The following CDK11B variants were observed in gnomAD, a reference collection of about 807,000 sequenced individuals.
CDK11B encodes the protein cyclin-dependent kinase 11B.
CDK11B carries 37 observed loss-of-function variants against 84.0 expected under a neutral mutation model. That is an observed-to-expected ratio of 0.44 (90% CI 0.34 to 0.58). CDK11B has a LOEUF of 0.58. Ranked by LOEUF, CDK11B falls within the 20% of genes least tolerant of loss-of-function variation. The pLI, the probability that CDK11B is intolerant of heterozygous loss-of-function variation, is 0.02. For missense variants in CDK11B, 427 were observed against 834.0 expected (o/e 0.51, Z 6.01); for synonymous variants, 269 against 309.8 (o/e 0.87, Z 1.38).
In CDK11B at chr1:1,640,335, G is replaced by T. The variant is rs751014233; in HGVS notation, c.1193C>A (p.Pro398His). Residue 398 changes from proline (P) to histidine (H), a missense_variant, in exon 11 of 20, where the codon CCT becomes CAT. This residue lies in a region of CDK11B where 43 missense variants were observed against 61.8 expected (regional missense o/e 0.70). Coordinates refer to ENST00000341832, the MANE Select transcript of CDK11B (RefSeq NM_033486.3). ...LTEGDYVPDS[P>H]ALSPIELKQE... ...CTTGAGCTCGATGGGCGACAGGGCAGGGGAGTCGGGCACATAGTCGCCCTC... is the reference window on the plus strand; with the variant it reads ...CTTGAGCTCGATGGGCGACAGGGCATGGGAGTCGGGCACATAGTCGCCCTC... 1.2e-6 allele frequency: 2 copies of T among 1,613,702 alleles called. No individual in the cohort carries two copies. Among genetic ancestry groups the T allele is most frequent in the South Asian group, 1.1e-5 (1 of 91,070 alleles).
intron 11 of CDK11B, among the ~76,000 whole-genome samples, chr1:1,639,672 G>A (rs1639959388): frequency 6.6e-6 from 1 of 151,882 alleles, no homozygotes; most frequent in Non-Finnish European, 1.5e-5. Context: ...GTCGACAGAG[G>A]CCTGCTGCAT....
intron 2 of CDK11B, among the ~76,000 whole-genome samples, chr1:1,656,174 G>C (rs181228325): frequency 5.9e-4 from 90 of 152,086 alleles, no homozygotes; most frequent in African/African-American, 2.1e-3. Flanking sequence ...CAGATTTTTT[G>C]GTTTCCCAAC....
chr1:1,656,914 T>C (rs767110874), intron 2 of CDK11B, among the ~76,000 whole-genome samples: 5 of 151,844 alleles, frequency 3.3e-5, no homozygotes, highest in Non-Finnish European at 5.9e-5. Flanking sequence ...CAAATGATGC[T>C]GCTAAAGATC....
At chr1:1,636,539 T>C in intron 17 of CDK11B, 58 bp from the exon 18 acceptor site, 1 of 1,582,682 alleles carries the variant, frequency 6.3e-7, no homozygotes, top group South Asian at 1.1e-5. Context: ...TTGGCACCTG[T>C]GTCCCGTCAG....
At chr1:1,637,571 C>G in intron 13 of CDK11B, 58 bp from the exon 14 acceptor site, 1 of 1,607,324 alleles carries the variant, frequency 6.2e-7, no homozygotes, top group Non-Finnish European at 8.5e-7. Flanking sequence ...CACCCCTGCA[C>G]CCGGGTGCAG....
chr1:1,655,276 C>CA, intron 3 of CDK11B, 93 bp downstream of exon 3: 1 of 1,451,904 alleles, frequency 6.9e-7, no homozygotes, highest in Admixed American at 2.3e-5. Context: ...TTAATAGTTA[C>CA]AACAGCACAC....
At chr1:1,650,490 C>T (rs1283660715) in intron 4 of CDK11B, among the ~76,000 whole-genome samples, 2 of 149,700 alleles carry the variant, frequency 1.3e-5, no homozygotes, top group African/African-American at 4.9e-5. Flanking sequence ...CTCAGCCTCC[C>T]GAGTAGCTGG....
At chr1:1,647,642 C>G (rs72468214) in intron 5 of CDK11B, among the ~76,000 whole-genome samples, 3 of 135,854 alleles carry the variant, frequency 2.2e-5, no homozygotes, top group Non-Finnish European at 4.8e-5. Flanking sequence ...TCTGCCAGGT[C>G]CTTTCACGCA....
intron 3 of CDK11B, among the ~76,000 whole-genome samples, chr1:1,652,788 C>T (rs1642179656): frequency 6.6e-6 from 1 of 151,242 alleles, no homozygotes; most frequent in African/African-American, 2.4e-5. Context: ...TATAGTGGCA[C>T]GATCTCGGCT....
At chr1:1,650,600 C>T (rs1250580992) in intron 4 of CDK11B, among the ~76,000 whole-genome samples, 3 of 149,748 alleles carry the variant, frequency 2.0e-5, no homozygotes, top group Non-Finnish European at 3.0e-5. Flanking sequence ...GTTCTGACCT[C>T]GTGATCTGCC....
At chr1:1,654,295 A>T (rs770332560) in intron 3 of CDK11B, 2 of 393,188 alleles carry the variant, frequency 5.1e-6, no homozygotes, top group Non-Finnish European at 5.0e-6. Flanking sequence ...TTTTCCACAC[A>T]GGGTCTTGCT....
intron 9 of CDK11B, 90 bp from the exon 10 acceptor site, chr1:1,641,203 A>G (rs1640241056): frequency 2.6e-6 from 4 of 1,560,392 alleles, no homozygotes; most frequent in South Asian, 2.3e-5. Context: ...CTAAGCAACA[A>G]GTGTTCCCAA....
chr1:1,647,186 T>C (rs1641267984), intron 5 of CDK11B, among the ~76,000 whole-genome samples: 1 of 152,250 alleles, frequency 6.6e-6, no homozygotes, highest in South Asian at 2.1e-4. Context: ...ATGGATAATT[T>C]CTACTGCTCC....
At chr1:1,656,677 C>A (rs1472233813) in intron 2 of CDK11B, among the ~76,000 whole-genome samples, 1 of 152,022 alleles carries the variant, frequency 6.6e-6, no homozygotes, top group Non-Finnish European at 1.5e-5. Context: ...GTAGTCCCAG[C>A]TACTTGGGAG....
chr1:1,657,757 A>C (rs1405626576), intron 1 of CDK11B, among the ~76,000 whole-genome samples: 4 of 121,878 alleles, frequency 3.3e-5, no homozygotes, highest in Non-Finnish European at 6.6e-5. Flanking sequence ...AAGTTAGCCC[A>C]GTGTGGTGGC....
At chr1:1,653,863 C>CACACACACACA (rs761317190) in intron 3 of CDK11B, among the ~76,000 whole-genome samples, 8 of 132,920 alleles carry the variant, frequency 6.0e-5, no homozygotes, top group African/African-American at 2.3e-4. Flanking sequence ...CACACACACA[C>CACACACACACA]CCGAGCGTGG....
At chr1:1,655,942 A>C (rs1473865901) in intron 2 of CDK11B, among the ~76,000 whole-genome samples, 7 of 152,198 alleles carry the variant, frequency 4.6e-5, no homozygotes, top group African/African-American at 1.7e-4. Flanking sequence ...TTAAAATTAC[A>C]ACTCTCTGTA....
At chr1:1,654,012 G>C in intron 3 of CDK11B, 1 of 398,802 alleles carries the variant, frequency 2.5e-6, no homozygotes, top group East Asian at 7.5e-5. Flanking sequence ...CTGTGTCAAA[G>C]CAACAACAAC....
intron 5 of CDK11B, among the ~76,000 whole-genome samples, chr1:1,647,702 C>T (rs1306866328): frequency 1.3e-5 from 2 of 152,236 alleles, no homozygotes; most frequent in African/African-American, 2.4e-5. Flanking sequence ...GAGCTCTCTC[C>T]AGTCTCTGCT....
Sources: gnomAD v4.1 joint callset for allele counts (sites outside exome capture counted in the v4.1 genomes callset) on GRCh38, gnomAD v4.1.1 for gene constraint, gnomAD v4.1.1 regional missense constraint, MANE v1.5 for transcripts, NCBI Gene and HGNC (gene_info 2026-07-23, HGNC 2026-07-21) for gene names.